Variants in TCF4 observed in about 807,000 individuals in gnomAD.
TCF4 encodes the protein transcription factor 4, also known as SL3-3 enhancer factor 2.
Under a neutral mutation model 82.1 loss-of-function variants are expected in TCF4, and 3 were observed. That is an observed-to-expected ratio of 0.04 (90% CI 0.02 to 0.09). The LOEUF (loss-of-function observed/expected upper bound fraction) is 0.09, where lower values mean the gene tolerates loss of function less well. Ranked by LOEUF, TCF4 falls within the 10% of genes least tolerant of loss-of-function variation. The pLI is 1.00. For synonymous variants in TCF4, 276 were observed against 309.6 expected, an observed-to-expected ratio of 0.89 and a Z score of 1.14; for missense variants, 518 against 852.7, an observed-to-expected ratio of 0.61 and a Z score of 4.89.
chr18:55,357,082 A>G (rs971116252), intron 6 of TCF4, among the ~76,000 whole-genome samples: 2 of 152,156 alleles, frequency 1.3e-5, no homozygotes, highest in Non-Finnish European at 2.9e-5. Context: ...CAACTGCCCA[A>G]GGGTTGGCCA....
intron 3 of TCF4, among the ~76,000 whole-genome samples, chr18:55,488,479 T>C (rs1027501615): frequency 1.3e-5 from 2 of 151,948 alleles, no homozygotes; most frequent in Admixed American, 6.6e-5. Flanking sequence ...AAAAGGAGTA[T>C]TGGCCAGTAA....
intron 3 of TCF4, among the ~76,000 whole-genome samples, chr18:55,510,994 T>A (rs920773593): frequency 2.0e-5 from 3 of 152,148 alleles, no homozygotes. Flanking sequence ...AAGCAGGACG[T>A]GCCTCATTTC....
At chr18:55,440,117 G>A (rs1276716109) in intron 5 of TCF4, among the ~76,000 whole-genome samples, 1 of 151,918 alleles carries the variant, frequency 6.6e-6, no homozygotes, top group East Asian at 1.9e-4. Flanking sequence ...TTTCCACTCT[G>A]GGTGGTGAGC....
intron 8 of TCF4, among the ~76,000 whole-genome samples, chr18:55,289,884 A>G (rs1028417529): frequency 6.8e-6 from 1 of 146,944 alleles, no homozygotes; most frequent in Non-Finnish European, 1.5e-5. Flanking sequence ...GGCATTACCA[A>G]AAAAAAAAAA....
intron 2 of TCF4, among the ~76,000 whole-genome samples, chr18:55,595,617 G>A (rs1431335523): frequency 6.6e-6 from 1 of 152,122 alleles, no homozygotes; most frequent in Non-Finnish European, 1.5e-5. Flanking sequence ...TAGATGGTTT[G>A]GGAGTTTAGG....
upstream of TCF4, chr18:55,589,569 T>TA (rs35325237): frequency 6.3e-3 from 5,220 of 832,760 alleles, 3 homozygotes; most frequent in African/African-American, 0.013. Flanking sequence ...TTATTGTTTA[T>TA]AAAAAAAAAA....
intron 15 of TCF4, among the ~76,000 whole-genome samples, chr18:55,235,005 G>T (rs945024982): frequency 2.6e-5 from 4 of 152,140 alleles, no homozygotes; most frequent in African/African-American, 9.7e-5. Context: ...TCCGCCAACA[G>T]ATCTGACAAT....
chr18:55,560,779 T>C (rs1036204329), intron 3 of TCF4, among the ~76,000 whole-genome samples: 3 of 152,178 alleles, frequency 2.0e-5, no homozygotes, highest in Non-Finnish European at 2.9e-5. Context: ...TGATGAAGTA[T>C]GTGTCTATCT....
chr18:55,295,332 CCGGTGATGAGGA>C (rs2066210799), intron 8 of TCF4, among the ~76,000 whole-genome samples: 1 of 152,156 alleles, frequency 6.6e-6, no homozygotes, highest in South Asian at 2.1e-4. Flanking sequence ...TGCTCATTTT[CCGGTGATGAGGA>C]CGATGATGAT....
intron 6 of TCF4, chr18:55,401,634 C>A (rs2093825728): frequency 2.0e-6 from 2 of 989,060 alleles, no homozygotes; most frequent in Admixed American, 5.9e-5. Context: ...GGGAAGTATT[C>A]CCCACAAACG....
At chr18:55,542,239 T>C (rs974317584) in intron 3 of TCF4, among the ~76,000 whole-genome samples, 2 of 151,906 alleles carry the variant, frequency 1.3e-5, no homozygotes, top group African/African-American at 4.8e-5. Context: ...TCCATGAGTA[T>C]AGTTCCCATA....
At chr18:55,418,110 T>C (rs1355404352) in intron 5 of TCF4, among the ~76,000 whole-genome samples, 1 of 151,922 alleles carries the variant, frequency 6.6e-6, no homozygotes, top group Admixed American at 6.6e-5. Flanking sequence ...TTCACACTGG[T>C]TTGCAAACAT....
intron 3 of TCF4, chr18:55,496,035 G>A (rs771594744): frequency 7.2e-5 from 11 of 151,912 alleles, no homozygotes; most frequent in Non-Finnish European, 1.5e-4. Flanking sequence ...TTCTCTCTTC[G>A]TCTGCTTCCT....
chr18:55,272,150 A>G (rs1056403953), intron 10 of TCF4, among the ~76,000 whole-genome samples: 1 of 152,122 alleles, frequency 6.6e-6, no homozygotes, highest in Non-Finnish European at 1.5e-5. Flanking sequence ...AGTTCACAGA[A>G]TAAAAAGAAA....
intron 8 of TCF4, among the ~76,000 whole-genome samples, chr18:55,341,506 T>C (rs2079952205): frequency 1.3e-5 from 2 of 152,200 alleles, no homozygotes; most frequent in African/African-American, 4.8e-5. Flanking sequence ...ACCTGCTTTG[T>C]AGACAGAGAA....
chr18:55,336,546 T>G (rs373712182), intron 8 of TCF4, among the ~76,000 whole-genome samples: 1 of 152,208 alleles, frequency 6.6e-6, no homozygotes, highest in East Asian at 1.9e-4. Flanking sequence ...CAGAGTATTA[T>G]CAAACAATTT....
rs878853149 is a variant in TCF4, at chr18:55,350,388, G to T, written c.520C>A (p.Arg174=). ...SAMEVQTKKV[R]KVPPGLPSSV... ...GATGGCAAACCTGGAGGAACTTTTCGAACTTTCTTTGTCTGTACCTCTGAA... is the reference window on the plus strand; with the variant it reads ...GATGGCAAACCTGGAGGAACTTTTCTAACTTTCTTTGTCTGTACCTCTGAA... Residue 174 remains arginine, a synonymous_variant, in exon 8 of 20, where the codon CGA becomes AGA. Coordinates refer to ENST00000354452, the MANE Select transcript of TCF4 (RefSeq NM_001083962.2). 2 of 1,613,560 alleles carry T rather than the reference G, an allele frequency of 1.2e-6. No individual in the cohort carries two copies. Among genetic ancestry groups the T allele is most frequent in the Non-Finnish European group, 1.7e-6 (2 of 1,179,662 alleles).
chr18:55,463,416 CTTCCTATTACA>C (rs911357500), intron 4 of TCF4, among the ~76,000 whole-genome samples: 2 of 152,160 alleles, frequency 1.3e-5, no homozygotes, highest in African/African-American at 4.8e-5. Flanking sequence ...ATTCCATGGT[CTTCCTATTACA>C]TTCCTATTAC....
At chr18:55,341,165 G>GAA (rs1277072714) in intron 8 of TCF4, among the ~76,000 whole-genome samples, 2 of 152,174 alleles carry the variant, frequency 1.3e-5, no homozygotes, top group Admixed American at 1.3e-4. Context: ...CAGAGTGTCT[G>GAA]AAACGCTAGG....
Sources: gnomAD v4.1 joint callset for allele counts (sites outside exome capture counted in the v4.1 genomes callset) on GRCh38, gnomAD v4.1.1 for gene constraint, MANE v1.5 for transcripts, NCBI Gene and HGNC (gene_info 2026-07-23, HGNC 2026-07-21) for gene names.